Variants in ZMPSTE24 observed in about 807,000 individuals in gnomAD.
ZMPSTE24 encodes CAAX prenyl protease 1 homolog.
A neutral mutation model predicts 56.7 loss-of-function variants in ZMPSTE24; 48 were observed. The observed-to-expected ratio is 0.85, with a 90% CI of 0.67 to 1.08. The LOEUF is 1.08. Ranked by LOEUF, ZMPSTE24 falls within the 50% of genes least tolerant of loss-of-function variation. The pLI, the probability that ZMPSTE24 is intolerant of heterozygous loss-of-function variation, is 0.00. For synonymous variants in ZMPSTE24, 172 were observed against 195.2 expected (o/e 0.88, Z 0.99); for missense variants, 503 against 548.7 (o/e 0.92, Z 0.83).
intron 5 of ZMPSTE24, among the ~76,000 whole-genome samples, chr1:40,270,980 A>G (rs778618354): frequency 6.6e-6 from 1 of 152,158 alleles, no homozygotes; most frequent in Non-Finnish European, 1.5e-5. Context: ...AAAAAACCCA[A>G]ATGAAAAAAC....
chr1:40,293,964 G>A lies in ZMPSTE24; in HGVS notation c.*1295G>A, dbSNP rs1265326729. On this transcript the variant is annotated 3_prime_UTR_variant, in exon 10 of 10. Transcript: ENST00000372759. ...TCTTTTGCTCCGCTGACATTTGGGT[G>A]ATGTCTTCACATGGAAATATAATAA... is the stretch of plus-strand genomic sequence containing the variant. 2 of 152,574 alleles carry A rather than the reference G, an allele frequency of 1.3e-5. No homozygotes were observed. The highest frequency in any genetic ancestry group is 2.9e-5 in the Non-Finnish European group (2 of 68,032). The allele number at this position is 152,574 out of a possible 1,614,324, so 9.5% of individuals were successfully genotyped here. A position where few individuals can be genotyped will look rare whatever the true frequency, so the allele number is the denominator to read the frequency against.
chr1:40,261,203 A>T (rs1643493499), intron 2 of ZMPSTE24, among the ~76,000 whole-genome samples: 1 of 152,236 alleles, frequency 6.6e-6, no homozygotes, highest in Non-Finnish European at 1.5e-5. Flanking sequence ...GCCAGGTAGG[A>T]AAAAGATCCT....
intron 5 of ZMPSTE24, among the ~76,000 whole-genome samples, chr1:40,271,463 A>G (rs1347825944): frequency 6.6e-6 from 1 of 152,248 alleles, no homozygotes. Flanking sequence ...AAGCCAACCA[A>G]GTAACAGCAC....
chr1:40,267,846 T>C lies in ZMPSTE24; in HGVS notation c.331T>C (p.Tyr111His), dbSNP rs561146384. The C allele has an allele frequency of 6.2e-7, 1 of 1,613,842 alleles. No homozygotes were observed. The highest frequency in any genetic ancestry group is 1.3e-5 in the African/African-American group (1 of 75,052). Residue 111 changes from tyrosine to histidine, a missense_variant, in exon 3 of 10, where the codon TAT becomes CAT. By Grantham distance (83) the Tyr-to-His change is moderately conservative. Transcript: ENST00000372759. ...GAGACTTTCTGGACGGTTCTGTGGT[T>C]ATGCTGGCTTTGGACCAGAATATGA... ...LWRLSGRFCGYAGFGPEYEIT... is the reference protein window; with the variant it reads ...LWRLSGRFCGHAGFGPEYEIT...
Position 40,292,634 on chromosome 1 carries a change from A to T in ZMPSTE24, c.1393A>T (p.Arg465Ter), listed in dbSNP as rs1490515870. The stretch of plus-strand genomic sequence containing the variant: ...TTATTCTCATCCTCCACTGCTAGAG[A>T]GACTTCAAGCTTTGAAAACTATGAA... The part of the protein sequence containing the change: ...WHYSHPPLLE[R>*]LQALKTMKQH Residue 465 changes from arginine (R) to a stop codon, truncating the protein, a stop_gained, in exon 10 of 10, where the codon AGA (arginine) becomes TGA (stop). Transcript: ENST00000372759. LOFTEE classifies it high-confidence loss of function. 1 of 1,614,010 alleles carries T rather than the reference A, an allele frequency of 6.2e-7. No homozygotes were observed. The highest frequency in any genetic ancestry group is 8.5e-7 in the Non-Finnish European group (1 of 1,179,982).
In ZMPSTE24 at chr1:40,285,947, A is replaced by C; in HGVS notation, c.977A>C (p.Asn326Thr). The C allele has an allele frequency of 6.2e-7, 1 of 1,613,966 alleles. No homozygotes were observed. Among genetic ancestry groups the C allele is most frequent in the Non-Finnish European group, 8.5e-7 (1 of 1,179,884 alleles). ...KVKNKKQGCKNEEVLAVLGHE... is the reference protein window; with the variant it reads ...KVKNKKQGCKTEEVLAVLGHE... ...CAGAATAAGAAACAAGGATGTAAAAATGAGGAGGTACTCGCTGTACTAGGC... is the reference window on the plus strand; with the variant it reads ...CAGAATAAGAAACAAGGATGTAAAACTGAGGAGGTACTCGCTGTACTAGGC... The change falls in exon 8 of 10, where the codon AAT becomes ACT. Residue 326 changes from asparagine (N) to threonine (T), a missense_variant. Asn to Thr is a moderately conservative substitution (Grantham distance 65, BLOSUM62 0). Transcript: ENST00000372759.
chr1:40,271,947 A>C lies in ZMPSTE24; in HGVS notation c.681A>C (p.Thr227=). 2.5e-6 allele frequency: 4 copies of C among 1,613,700 alleles called. No individual in the cohort carries two copies. Among genetic ancestry groups the C allele is most frequent in the Non-Finnish European group, 3.4e-6 (4 of 1,179,754 alleles). ...TTGCCCCTTTATTTGACAAATTCAC[A>C]CCTCTGCCTGAGGGAAAGCTTAAAG... is the stretch of plus-strand genomic sequence containing the variant. ...DYIAPLFDKF[T]PLPEGKLKEE... The change falls in exon 6 of 10, where the codon ACA becomes ACC. Residue 227 remains threonine, a synonymous_variant. Transcript: ENST00000372759.
At position 40,292,857 on chromosome 1, in the gene ZMPSTE24, T is replaced by C; in HGVS notation, c.*188T>C. The C allele has an allele frequency of 1.9e-6, 1 of 527,852 alleles. No individual in the cohort carries two copies. Among genetic ancestry groups the C allele is most frequent in the Non-Finnish European group, 3.3e-6 (1 of 301,050 alleles). The allele number at this position is 527,852 out of a possible 1,614,324, so 32.7% of individuals were successfully genotyped here. On this transcript the variant is annotated 3_prime_UTR_variant, in exon 10 of 10. Coordinates refer to ENST00000372759, the MANE Select transcript of ZMPSTE24 (RefSeq NM_005857.5). ...TTCATTTCTTAAAACACTGAATGAA[T>C]TTTGAAGCTTAATGTTTTTAAAGGC...
intron 6 of ZMPSTE24, among the ~76,000 whole-genome samples, chr1:40,280,158 T>A (rs1055291698): frequency 6.6e-6 from 1 of 152,174 alleles, no homozygotes; most frequent in Non-Finnish European, 1.5e-5. Context: ...ATGGTCGACA[T>A]TGAGTTCTTC....
chr1:40,268,848 C>T lies in ZMPSTE24; in HGVS notation c.474+313C>T, dbSNP rs557199482. On this transcript the variant is annotated intron_variant, in intron 4 of 9. Coordinates refer to ENST00000372759, the MANE Select transcript of ZMPSTE24 (RefSeq NM_005857.5). ...ATCCCAGCACTTTGGGAGGCTGAGGCGGGTGGATCCCAAGGTCAGGAGATC... is the reference window on the plus strand; with the variant it reads ...ATCCCAGCACTTTGGGAGGCTGAGGTGGGTGGATCCCAAGGTCAGGAGATC... Among the ~76,000 whole-genome samples, 7 of 151,804 alleles carry T rather than the reference C, an allele frequency of 4.6e-5. No homozygotes were observed. In the South Asian group the frequency reaches 1.0e-3, roughly 23 times the overall value.
chr1:40,291,147 T>C, intron 9 of ZMPSTE24, 150 bp downstream of exon 9: 2 of 1,082,870 alleles, frequency 1.8e-6, no homozygotes, highest in South Asian at 3.2e-5. Context: ...CTGGTCAGTA[T>C]GACAAAGTAG....
At chr1:40,280,523 C>G (rs1404061079) in intron 6 of ZMPSTE24, among the ~76,000 whole-genome samples, 1 of 151,936 alleles carries the variant, frequency 6.6e-6, no homozygotes, top group Non-Finnish European at 1.5e-5. Flanking sequence ...CTCCTGGGTT[C>G]AAGCAGTTCT....
intron 6 of ZMPSTE24, among the ~76,000 whole-genome samples, chr1:40,274,553 G>T (rs908805144): frequency 1.3e-5 from 2 of 152,236 alleles, no homozygotes; most frequent in Non-Finnish European, 2.9e-5. Context: ...AAGAAGTCCA[G>T]TGTGGCTGCA....
At chr1:40,262,966 A>G in intron 2 of ZMPSTE24, 1 of 1,012,038 alleles carries the variant, frequency 9.9e-7, no homozygotes, top group East Asian at 1.0e-4. Context: ...TTTAATAATG[A>G]CAAGGCAATT....
intron 1 of ZMPSTE24, 131 bp from the exon 2 acceptor site, chr1:40,260,708 A>G: frequency 3.5e-6 from 3 of 858,558 alleles, no homozygotes; most frequent in Non-Finnish European, 5.5e-6. Flanking sequence ...GATCAAGTGC[A>G]ATATTTGTGT....
At chr1:40,278,268 A>G (rs1160077684) in intron 6 of ZMPSTE24, among the ~76,000 whole-genome samples, 1 of 152,148 alleles carries the variant, frequency 6.6e-6, no homozygotes. Flanking sequence ...TTTTGAAAAA[A>G]GTATATGAAT....
chr1:40,264,899 AAG>A (rs1218772476), intron 2 of ZMPSTE24, among the ~76,000 whole-genome samples: 57 of 151,316 alleles, frequency 3.8e-4, no homozygotes, highest in African/African-American at 1.3e-3. Flanking sequence ...AAAAAAAAAA[AAG>A]AATGTAGTGA....
At chr1:40,278,334 G>A (rs1304510979) in intron 6 of ZMPSTE24, among the ~76,000 whole-genome samples, 5 of 151,798 alleles carry the variant, frequency 3.3e-5, no homozygotes, top group Admixed American at 6.6e-5. Flanking sequence ...AGAATATCTC[G>A]TGTAACGAGG....
At chr1:40,260,303 C>G (rs1480986811) in intron 1 of ZMPSTE24, among the ~76,000 whole-genome samples, 1 of 151,764 alleles carries the variant, frequency 6.6e-6, no homozygotes, top group Non-Finnish European at 1.5e-5. Flanking sequence ...TCAAGGAATC[C>G]TTCTGCCCCT....
Sources: gnomAD v4.1 joint callset for allele counts (sites outside exome capture counted in the v4.1 genomes callset) on GRCh38, gnomAD v4.1.1 for gene constraint, MANE v1.5 for transcripts, NCBI Gene and HGNC (gene_info 2026-07-23, HGNC 2026-07-21) for gene names.